Variants in MED27 observed in about 807,000 individuals in gnomAD.
The protein encoded by MED27 is mediator complex subunit 27.
MED27 carries 30 observed loss-of-function variants against 38.2 expected under a neutral mutation model. That is an observed-to-expected ratio of 0.79 (90% confidence interval 0.59 to 1.07). MED27 has a LOEUF of 1.07. Ranked by LOEUF, MED27 falls within the 50% of genes least tolerant of loss-of-function variation. The probability of loss-of-function intolerance (pLI) is 0.00; values close to 1 mark genes in which losing one functional copy is unlikely to be tolerated. For missense variants in MED27, 289 were observed against 397.5 expected, an observed-to-expected ratio of 0.73 and a Z score of 2.32; for synonymous variants, 122 against 153.5, an observed-to-expected ratio of 0.79 and a Z score of 1.52.
In MED27 at chr9:131,893,996, C is replaced by T. The variant is rs1406197452; in HGVS notation, c.574-4G>A. 1.2e-6 allele frequency: 2 copies of T among 1,612,500 alleles called. No individual in the cohort carries two copies. The highest frequency in any genetic ancestry group is 1.3e-5 in the African/African-American group (1 of 74,998). On this transcript the variant is annotated splice_polypyrimidine_tract_variant and splice_region_variant and intron_variant, in intron 4 of 7. Transcript: ENST00000292035. ...TCAACACCTTTCCCAAGGTCACCTG[C>T]CAAAACACATGTAAGCTGACACTTG... is the stretch of plus-strand genomic sequence containing the variant.
intron 4 of MED27, among the ~76,000 whole-genome samples, chr9:131,914,029 A>G (rs1282395527): frequency 2.0e-5 from 3 of 152,326 alleles, no homozygotes; most frequent in East Asian, 3.9e-4. Context: ...GATAAGTAAC[A>G]AGAAATAATG....
At position 132,071,501 on chromosome 9, in the gene MED27, ACACT is replaced by A. The variant is rs200169255; in HGVS notation, c.348+5937_348+5940del. 8.8e-3 allele frequency among the ~76,000 whole-genome samples: 1,342 copies of A among 151,748 alleles called. 25 individuals are homozygous for A. The highest frequency in any genetic ancestry group is 0.026 in the African/African-American group (1,086 of 41,332). On this transcript the variant is annotated intron_variant, in intron 2 of 7. Coordinates refer to ENST00000292035, the MANE Select transcript of MED27 (RefSeq NM_004269.4). ...AAATAAGTCCATACACGTACGAGTA[ACACT>A]CACTCCATGAGCACACACACATGCG...
At chr9:131,924,335 T>C (rs1026961745) in intron 4 of MED27, among the ~76,000 whole-genome samples, 2 of 152,208 alleles carry the variant, frequency 1.3e-5, no homozygotes, top group African/African-American at 4.8e-5. Context: ...TGGGTAAGGT[T>C]GAACATCTTT....
chr9:131,971,275 T>C (rs1458008576), intron 3 of MED27, among the ~76,000 whole-genome samples: 5 of 152,208 alleles, frequency 3.3e-5, no homozygotes, highest in Admixed American at 1.3e-4. Flanking sequence ...AGAGCACAGC[T>C]GGCAGAAGGA....
intron 1 of MED27, 73 bp downstream of exon 1, chr9:132,079,569 A>C (rs1834127912): frequency 1.4e-6 from 2 of 1,398,044 alleles, no homozygotes. Flanking sequence ...CTGCCTGGGA[A>C]GACTCGAGCG....
chr9:132,075,510 T>C (rs1238212918), intron 2 of MED27, among the ~76,000 whole-genome samples: 1 of 152,244 alleles, frequency 6.6e-6, no homozygotes, highest in Non-Finnish European at 1.5e-5. Flanking sequence ...AAGTTCCACA[T>C]ACATAACATT....
At chr9:132,007,867 G>A (rs1832390245) in intron 3 of MED27, among the ~76,000 whole-genome samples, 1 of 151,810 alleles carries the variant, frequency 6.6e-6, no homozygotes, top group Non-Finnish European at 1.5e-5. Flanking sequence ...ACAAAGCCCG[G>A]GAAACAAGTA....
intron 4 of MED27, among the ~76,000 whole-genome samples, chr9:131,932,124 A>G (rs1439479776): frequency 6.6e-6 from 1 of 152,178 alleles, no homozygotes; most frequent in African/African-American, 2.4e-5. Context: ...ACGTTAGGTA[A>G]CAAAACAAGT....
At chr9:131,920,623 G>C (rs72761699) in intron 4 of MED27, among the ~76,000 whole-genome samples, 17,746 of 152,212 alleles carry the variant, frequency 0.12, 1,196 homozygotes, top group South Asian at 0.18. Context: ...TAAGTACAAC[G>C]AAAGAAAATA....
At chr9:132,039,847 C>T (rs1833169207) in intron 2 of MED27, among the ~76,000 whole-genome samples, 1 of 152,172 alleles carries the variant, frequency 6.6e-6, no homozygotes, top group African/African-American at 2.4e-5. Flanking sequence ...CTACAAAGGA[C>T]ACCACTCGCC....
intron 3 of MED27, among the ~76,000 whole-genome samples, chr9:131,971,463 C>T (rs1181816527): frequency 2.6e-5 from 4 of 152,182 alleles, no homozygotes; most frequent in Admixed American, 6.5e-5. Flanking sequence ...TGGAATTTAT[C>T]GCGAATGTGA....
intron 2 of MED27, among the ~76,000 whole-genome samples, chr9:132,062,351 C>G (rs1422815668): frequency 6.6e-6 from 1 of 152,196 alleles, no homozygotes; most frequent in African/African-American, 2.4e-5. Flanking sequence ...AGGAGGGCTG[C>G]CTCACCCCAA....
At chr9:131,939,640 C>A (rs1431100160) in intron 3 of MED27, among the ~76,000 whole-genome samples, 166 bp from the exon 4 acceptor site, 3 of 152,144 alleles carry the variant, frequency 2.0e-5, no homozygotes, top group African/African-American at 7.2e-5. Flanking sequence ...CTCTGTATGT[C>A]CAGATAATGT....
rs1830740448 is a variant in MED27 at position 131,939,272 on chromosome 9, T to C, written c.573+109A>G. 6.9e-6 allele frequency: 4 copies of C among 575,714 alleles called. No individual in the cohort carries two copies. In the East Asian group the frequency reaches 9.6e-5, roughly 14 times the overall value. 35.7% of individuals were successfully genotyped at this position (575,714 alleles called of 1,614,324 possible). On this transcript the variant is annotated intron_variant, in intron 4 of 7. Coordinates refer to ENST00000292035, the MANE Select transcript of MED27 (RefSeq NM_004269.4). ...AGAAACTATGTTATTCACTATCAAATTGGAATTTAATCCCCATTCTCTAGA... is the reference window on the plus strand; with the variant it reads ...AGAAACTATGTTATTCACTATCAAACTGGAATTTAATCCCCATTCTCTAGA...
intron 4 of MED27, among the ~76,000 whole-genome samples, chr9:131,933,032 T>G (rs143612855): frequency 6.6e-6 from 1 of 152,126 alleles, no homozygotes; most frequent in Non-Finnish European, 1.5e-5. Context: ...ATCATTTCAA[T>G]TGATACTGAA....
At chr9:131,978,255 A>G (rs1392290932) in intron 3 of MED27, among the ~76,000 whole-genome samples, 1 of 152,134 alleles carries the variant, frequency 6.6e-6, no homozygotes, top group East Asian at 1.9e-4. Flanking sequence ...TTTCAGGGGG[A>G]AAAAAAGGGA....
intron 4 of MED27, among the ~76,000 whole-genome samples, chr9:131,930,576 G>C (rs1830566349): frequency 6.6e-6 from 1 of 152,084 alleles, no homozygotes; most frequent in African/African-American, 2.4e-5. Context: ...AAACCTGTGG[G>C]ATTTCATCAC....
intron 3 of MED27, among the ~76,000 whole-genome samples, chr9:131,971,272 A>G (rs1831469633): frequency 1.3e-5 from 2 of 152,230 alleles, no homozygotes. Context: ...AAGAGAGCAC[A>G]GCTGGCAGAA....
Position 131,913,279 on chromosome 9 carries a change from A to G in MED27, c.574-19287T>C, listed in dbSNP as rs1410876435. 6.6e-6 allele frequency among the ~76,000 whole-genome samples: 1 copy of G among 152,232 alleles called. No homozygotes were observed. Among genetic ancestry groups the G allele is most frequent in the Non-Finnish European group, 1.5e-5 (1 of 68,042 alleles). On this transcript the variant is annotated intron_variant, in intron 4 of 7. Transcript: ENST00000292035. This position sits in a 1 kb window ranked among gnomAD's most constrained non-coding sequence, Gnocchi z 4.5. ...TGGATAGTAGCAGAGGTTGATAAAG[A>G]AAGACCAGGACTTGGGCATTTCATG...
Sources: allele counts gnomAD v4.1 joint callset (sites outside exome capture counted in the v4.1 genomes callset), GRCh38; gene constraint gnomAD v4.1.1; non-coding constraint Gnocchi (gnomAD v3.1); transcripts MANE v1.5; gene names NCBI Gene and HGNC (gene_info 2026-07-23, HGNC 2026-07-21).